The following AP4S1 variants were observed in gnomAD, a reference collection of about 807,000 sequenced individuals.
The protein encoded by AP4S1 is AP-4 complex subunit sigma-1.
AP4S1 carries 23 observed loss-of-function variants against 19.8 expected under a neutral mutation model. The observed-to-expected ratio is 1.16, with a 90% CI of 0.84 to 1.65. The LOEUF (loss-of-function observed/expected upper bound fraction) is 1.65. Ranked by LOEUF, AP4S1 falls within the 40% of genes most tolerant of loss-of-function variation. The probability of loss-of-function intolerance (pLI) is 0.00; values close to 1 mark genes in which losing one functional copy is unlikely to be tolerated. For missense variants in AP4S1, 166 were observed against 172.8 expected, an observed-to-expected ratio of 0.96 and a Z score of 0.22; for synonymous variants, 46 against 54.1, an observed-to-expected ratio of 0.85 and a Z score of 0.66.
At chr14:31,035,272 G>A (rs180886436) in intron 1 of AP4S1, among the ~76,000 whole-genome samples, 18 of 129,244 alleles carry the variant, frequency 1.4e-4, no homozygotes, top group East Asian at 4.8e-4. Flanking sequence ...TCTTCTCACC[G>A]CAACCTCCGC....
chr14:31,073,267 G>A, intron 4 of AP4S1: 1 of 342,000 alleles, frequency 2.9e-6, no homozygotes. Context: ...AAGGTGGGCA[G>A]ATCACAAGGT....
intron 1 of AP4S1, among the ~76,000 whole-genome samples, chr14:31,062,997 A>G (rs12892791): frequency 2.0e-5 from 3 of 151,492 alleles, no homozygotes; most frequent in Non-Finnish European, 2.9e-5. Flanking sequence ...CTAGGAATTT[A>G]TGTTATAAGC....
In AP4S1 at chr14:31,072,707, C is replaced by A. The variant is rs79910202; in HGVS notation, c.226-198C>A. ...TAGAAGTTAAGGTTTATCTACATTT[C>A]CCCCATTGATAAACATCTTTTAAAC... On this transcript the variant is annotated intron_variant, in intron 3 of 5. Coordinates refer to ENST00000542754, the MANE Select transcript of AP4S1 (RefSeq NM_001128126.3). 3.1e-3 allele frequency among the ~76,000 whole-genome samples: 476 copies of A among 152,072 alleles called. 1 individual carries two copies. The highest frequency in any genetic ancestry group is 0.011 in the African/African-American group (445 of 41,528).
chr14:31,058,198 G>A (rs1886229344), intron 1 of AP4S1, among the ~76,000 whole-genome samples: 1 of 151,936 alleles, frequency 6.6e-6, no homozygotes. Flanking sequence ...GCAAAGTGCT[G>A]GGATTACAGG....
chr14:31,029,843 C>T lies in AP4S1; in HGVS notation c.-72+4056C>T, dbSNP rs149775204. ...CTGTCTTAAGACAAACAAAACCCTT[C>T]CCCCACAAAAAAAAAAAAGAAAATA... is the stretch of plus-strand genomic sequence containing the variant. On this transcript the variant is annotated intron_variant, in intron 1 of 5. Transcript: ENST00000542754. 5.7e-3 allele frequency among the ~76,000 whole-genome samples: 866 copies of T among 151,478 alleles called. 9 individuals are homozygous for T. The highest frequency in any genetic ancestry group is 0.02 in the African/African-American group (814 of 41,284).
intron 4 of AP4S1, 114 bp from the exon 5 acceptor site, chr14:31,080,459 C>T (rs1468237169): frequency 1.2e-6 from 1 of 835,258 alleles, no homozygotes; most frequent in Non-Finnish European, 2.0e-6. Flanking sequence ...AGCCCAGAAG[C>T]AGGTAGGAGA....
At chr14:31,049,236 AC>A in intron 1 of AP4S1, among the ~76,000 whole-genome samples, 1 of 150,982 alleles carries the variant, frequency 6.6e-6, no homozygotes, top group East Asian at 2.0e-4. Flanking sequence ...ACACGGTGAA[AC>A]CCTGTCTCTA....
intron 1 of AP4S1, among the ~76,000 whole-genome samples, chr14:31,039,598 A>C (rs1884985661): frequency 1.5e-5 from 2 of 129,424 alleles, no homozygotes; most frequent in African/African-American, 6.5e-5. Context: ...TTTGAGACGG[A>C]GTTTCGCTCT....
chr14:31,088,072 G>C (rs1488444654), intron 5 of AP4S1, among the ~76,000 whole-genome samples: 1 of 152,166 alleles, frequency 6.6e-6, no homozygotes, highest in East Asian at 1.9e-4. Flanking sequence ...CCAGGGCCAT[G>C]GTGGGTGATG....
intron 1 of AP4S1, among the ~76,000 whole-genome samples, chr14:31,044,889 A>G (rs1049556970): frequency 1.3e-5 from 2 of 151,932 alleles, no homozygotes; most frequent in African/African-American, 4.8e-5. Flanking sequence ...TTTATTTTAA[A>G]AGATACGTTT....
At chr14:31,068,030 G>A (rs562223953) in intron 2 of AP4S1, among the ~76,000 whole-genome samples, 6 of 151,782 alleles carry the variant, frequency 4.0e-5, no homozygotes, top group African/African-American at 1.2e-4. Context: ...CACAACACCC[G>A]GCTAATTTTG....
chr14:31,093,965 C>G lies in AP4S1; in HGVS notation c.*930C>G, dbSNP rs144547531. ...GTAGCTGCGACTACAGGCATGTAGTCCCCAGGAGACTGAGCTGTGATTACA... is the reference window on the plus strand; with the variant it reads ...GTAGCTGCGACTACAGGCATGTAGTGCCCAGGAGACTGAGCTGTGATTACA... On this transcript the variant is annotated 3_prime_UTR_variant, in exon 6 of 6. Transcript: ENST00000542754. 6.6e-6 allele frequency: 1 copy of G among 152,334 alleles called. No individual in the cohort carries two copies. The highest frequency in any genetic ancestry group is 1.5e-5 in the Non-Finnish European group (1 of 68,132). The allele number at this position is 152,334 out of a possible 1,614,324, so 9.4% of individuals were successfully genotyped here.
At position 31,042,376 on chromosome 14, in the gene AP4S1, A is replaced by G. The variant is rs184624417; in HGVS notation, c.-72+16589A>G. On this transcript the variant is annotated intron_variant, in intron 1 of 5. Coordinates refer to ENST00000542754, the MANE Select transcript of AP4S1 (RefSeq NM_001128126.3). The stretch of plus-strand genomic sequence containing the variant: ...TAGATAGCAACAACAGCACACACAA[A>G]CATGCACACATGGGTACATACACAC... Among the ~76,000 whole-genome samples the G allele has an allele frequency of 7.4e-4, 112 of 152,160 alleles. 4 individuals carry two copies. In the East Asian group the frequency reaches 0.021, roughly 28 times the overall value.
intron 3 of AP4S1, 36 bp downstream of exon 3, chr14:31,069,965 ATTTC>A: frequency 6.6e-7 from 1 of 1,516,014 alleles, no homozygotes; most frequent in Non-Finnish European, 9.2e-7. Flanking sequence ...AAATGCAAGA[ATTTC>A]TTTCTACTTG....
intron 1 of AP4S1, among the ~76,000 whole-genome samples, chr14:31,044,781 T>C (rs1160749919): frequency 6.6e-6 from 1 of 151,896 alleles, no homozygotes; most frequent in Non-Finnish European, 1.5e-5. Flanking sequence ...AATTCCATGG[T>C]CCTGTTGCCT....
intron 1 of AP4S1, among the ~76,000 whole-genome samples, chr14:31,030,602 G>T (rs1884332027): frequency 6.6e-6 from 1 of 152,052 alleles, no homozygotes; most frequent in Non-Finnish European, 1.5e-5. Flanking sequence ...TCCTTCCTTG[G>T]CGTCCCAAAG....
rs955904625 is a variant in AP4S1 at position 31,069,929 on chromosome 14, G to T, written c.225G>T (p.Glu75Asp). The T allele has an allele frequency of 1.2e-6, 2 of 1,605,590 alleles. No individual in the cohort carries two copies. Among genetic ancestry groups the T allele is most frequent in the Non-Finnish European group, 1.7e-6 (2 of 1,172,250 alleles). Reference protein sequence around the residue: ...LFIVVGVNDTENEMAIYEFIH... With the variant: ...LFIVVGVNDTDNEMAIYEFIH... ...TTGTGGTTGGAGTTAATGACACTGA[G>T]GTAAGATAATAGAAGAGCCCTTGGA... The change falls in exon 3 of 6, where the codon GAG becomes GAT. Residue 75 changes from glutamate (E) to aspartate (D), a missense_variant and splice_region_variant. Glu to Asp is a conservative substitution (Grantham distance 45). Transcript: ENST00000542754.
intron 2 of AP4S1, among the ~76,000 whole-genome samples, chr14:31,068,114 C>T (rs1042369436): frequency 1.3e-5 from 2 of 150,996 alleles, no homozygotes; most frequent in Non-Finnish European, 3.0e-5. Context: ...GTGAGCCACC[C>T]GCCTTGGCCT....
intron 1 of AP4S1, chr14:31,026,969 C>G (rs1884029653): frequency 6.6e-6 from 1 of 152,354 alleles, no homozygotes; most frequent in Non-Finnish European, 1.5e-5. Flanking sequence ...GGCAAATAGC[C>G]AAGATCCTCC....
Sources: allele counts gnomAD v4.1 joint callset (sites outside exome capture counted in the v4.1 genomes callset), GRCh38; gene constraint gnomAD v4.1.1; transcripts MANE v1.5; gene names NCBI Gene and HGNC (gene_info 2026-07-23, HGNC 2026-07-21).